TRIM67: variants seen among roughly 807,000 people sequenced by gnomAD.
The protein encoded by TRIM67 is tripartite motif containing 67.
Under a neutral mutation model 71.0 loss-of-function variants are expected in TRIM67, and 39 were observed. That is an observed-to-expected ratio of 0.55 (90% CI 0.43 to 0.72). The LOEUF (loss-of-function observed/expected upper bound fraction) is 0.72. Ranked by LOEUF, TRIM67 falls within the 30% of genes least tolerant of loss-of-function variation. TRIM67 has a pLI of 0.00. For synonymous variants in TRIM67, 481 were observed against 473.9 expected (o/e 1.01, Z -0.19); for missense variants, 973 against 1,079.2 (o/e 0.90, Z 1.38).
chr1:231,200,088 G>A (rs995622945), intron 3 of TRIM67, 60 bp from the exon 4 acceptor site: 13 of 1,310,426 alleles, frequency 9.9e-6, no homozygotes, highest in Middle Eastern at 1.8e-4. Flanking sequence ...TGACTCTTGC[G>A]GTGGCCTGCC....
Position 231,219,965 on chromosome 1 carries a change from AGTG to A in TRIM67, c.*4526_*4528del. ...TTCCCTCTTTTAACCTGGCTTTAAT[AGTG>A]ATTCATGGTATGAGTGGGGGCCAAT... On this transcript the variant is annotated 3_prime_UTR_variant, in exon 10 of 10. Coordinates refer to ENST00000366653, the MANE Select transcript of TRIM67 (RefSeq NM_001004342.5). The A allele has an allele frequency of 3.1e-6, 4 of 1,289,698 alleles. No homozygotes were observed. The highest frequency in any genetic ancestry group is 4.0e-6 in the Non-Finnish European group (4 of 988,760). 79.9% of individuals were successfully genotyped at this position (1,289,698 alleles called of 1,614,324 possible). A position where few individuals can be genotyped will look rare whatever the true frequency, so the allele number is the denominator to read the frequency against.
At chr1:231,187,473 T>C (rs575295646) in intron 1 of TRIM67, 6 of 1,447,546 alleles carry the variant, frequency 4.1e-6, no homozygotes, top group African/African-American at 2.9e-5. Context: ...TTTTAACTTA[T>C]TAGGCATTAT....
At chr1:231,168,149 GA>G (rs1571867526) in intron 1 of TRIM67, among the ~76,000 whole-genome samples, 1 of 151,662 alleles carries the variant, frequency 6.6e-6, no homozygotes, top group East Asian at 2.0e-4. Flanking sequence ...ATTTTTTGTA[GA>G]AATGAGGTCT....
At chr1:231,197,628 C>T (rs780161752) in intron 2 of TRIM67, among the ~76,000 whole-genome samples, 162 bp downstream of exon 2, 11 of 152,162 alleles carry the variant, frequency 7.2e-5, no homozygotes, top group Admixed American at 4.6e-4. Context: ...GAGTTTGAGA[C>T]CAGCCTTACC....
At chr1:231,202,847 C>G (rs1490685044) in intron 5 of TRIM67, among the ~76,000 whole-genome samples, 2 of 152,092 alleles carry the variant, frequency 1.3e-5, no homozygotes, top group South Asian at 2.1e-4. Flanking sequence ...AGAGAGAGGT[C>G]CCCTTGGAAA....
At position 231,217,746 on chromosome 1, in the gene TRIM67, G is replaced by C. The variant is rs1175961762; in HGVS notation, c.*2306G>C. ...ACCAGGTGGCCCCAGCTCTGCAGAA[G>C]AATCGCCCATCATTGGAGCACAAGT... On this transcript the variant is annotated 3_prime_UTR_variant, in exon 10 of 10. Coordinates refer to ENST00000366653, the MANE Select transcript of TRIM67 (RefSeq NM_001004342.5). 1.6e-6 allele frequency: 2 copies of C among 1,266,596 alleles called. No homozygotes were observed. Among genetic ancestry groups the C allele is most frequent in the Non-Finnish European group, 2.0e-6 (2 of 976,404 alleles). 78.5% of individuals were successfully genotyped at this position (1,266,596 alleles called of 1,614,324 possible).
chr1:231,209,371 G>A lies in TRIM67; in HGVS notation c.2123+121G>A. 8.5e-7 allele frequency: 1 copy of A among 1,170,332 alleles called. No homozygotes were observed. The allele number at this position is 1,170,332 out of a possible 1,614,324, so 72.5% of individuals were successfully genotyped here. On this transcript the variant is annotated intron_variant, in intron 8 of 9. Coordinates refer to ENST00000366653, the MANE Select transcript of TRIM67 (RefSeq NM_001004342.5). This position sits in a 1 kb window ranked among gnomAD's most constrained non-coding sequence, Gnocchi z 4.1. ...GAGGAATTGAGAGGAGGTATTTTCA[G>A]CCACTTTGGTCTCCATTTTCTAGGA...
intron 1 of TRIM67, chr1:231,187,750 G>A (rs1184242746): frequency 5.0e-6 from 3 of 599,340 alleles, no homozygotes; most frequent in African/African-American, 1.9e-5. Flanking sequence ...TAGCCAGAGG[G>A]ACAGCGGGCA....
chr1:231,172,405 T>C (rs1311694199), intron 1 of TRIM67, among the ~76,000 whole-genome samples: 1 of 152,088 alleles, frequency 6.6e-6, no homozygotes, highest in Non-Finnish European at 1.5e-5. Flanking sequence ...AGGCAAGAGT[T>C]TGGGGGCCAG....
chr1:231,186,344 C>T (rs1278691931), intron 1 of TRIM67, among the ~76,000 whole-genome samples: 2 of 152,154 alleles, frequency 1.3e-5, no homozygotes, highest in Non-Finnish European at 1.5e-5. Context: ...ATCCGTGGAC[C>T]TCCTTTTAGT....
At position 231,200,131 on chromosome 1, in the gene TRIM67, G is replaced by A. The variant is rs762507959; in HGVS notation, c.1264-17G>A. The A allele has an allele frequency of 2.5e-5, 40 of 1,587,774 alleles. No homozygotes were observed. The highest frequency in any genetic ancestry group is 3.4e-5 in the Non-Finnish European group (39 of 1,156,180). The stretch of plus-strand genomic sequence containing the variant: ...CCTCTCATGAGACAGTTACTTAGAG[G>A]AGTCTTTCCATTGCAGATGGTTTGG... On this transcript the variant is annotated splice_polypyrimidine_tract_variant and intron_variant, in intron 3 of 9. Coordinates refer to ENST00000366653, the MANE Select transcript of TRIM67 (RefSeq NM_001004342.5).
intron 1 of TRIM67, among the ~76,000 whole-genome samples, chr1:231,195,751 A>G (rs1191380145): frequency 6.6e-6 from 1 of 152,206 alleles, no homozygotes; most frequent in East Asian, 1.9e-4. Flanking sequence ...GCACTTGCAC[A>G]GTCCAGGGGA....
At chr1:231,183,943 A>T (rs1186532746) in intron 1 of TRIM67, among the ~76,000 whole-genome samples, 1 of 152,140 alleles carries the variant, frequency 6.6e-6, no homozygotes, top group Non-Finnish European at 1.5e-5. Context: ...AGCAGCATAT[A>T]CAGGAATGCT....
rs769669995 is a variant in TRIM67 at position 231,209,149 on chromosome 1, C to T, written c.2022C>T (p.Ser674=). 18 of 1,613,700 alleles carry T rather than the reference C, an allele frequency of 1.1e-5. No individual in the cohort carries two copies. Among genetic ancestry groups the T allele is most frequent in the Non-Finnish European group, 1.4e-5 (17 of 1,179,744 alleles). Residue 674 remains serine, a synonymous_variant, in exon 8 of 10, where the codon AGC becomes AGT. Transcript: ENST00000366653. The surrounding 1 kb of genome is among the most constrained non-coding windows in gnomAD (Gnocchi z 4.1). ...CCGCCTTCGGGGTGGCCAGGGCCAG[C>T]GTGGTCAAGGACATGATGCTGGGCA... is the stretch of plus-strand genomic sequence containing the variant. ...PDPAFGVARA[S]VVKDMMLGKD... is the part of the protein sequence containing the mutation.
At chr1:231,190,714 G>T (rs1382006555) in intron 1 of TRIM67, among the ~76,000 whole-genome samples, 6 of 152,160 alleles carry the variant, frequency 3.9e-5, no homozygotes, top group Admixed American at 3.9e-4. Flanking sequence ...CTGTGGCCTG[G>T]ATCCTCAGGG....
intron 1 of TRIM67, among the ~76,000 whole-genome samples, chr1:231,180,147 A>G (rs908176290): frequency 1.4e-4 from 22 of 152,080 alleles, no homozygotes; most frequent in Non-Finnish European, 5.9e-5. Context: ...TGAATAATCT[A>G]TCTTAGAGTT....
chr1:231,174,234 C>T (rs1284814280), intron 1 of TRIM67, among the ~76,000 whole-genome samples: 1 of 149,164 alleles, frequency 6.7e-6, no homozygotes, highest in East Asian at 2.0e-4. Flanking sequence ...TCATAGTTCA[C>T]TGCAACCTTG....
At chr1:231,173,439 A>G (rs1197569910) in intron 1 of TRIM67, among the ~76,000 whole-genome samples, 3 of 152,198 alleles carry the variant, frequency 2.0e-5, no homozygotes, top group South Asian at 2.1e-4. Context: ...TTGAAAAACA[A>G]TCACTGAGGA....
In TRIM67 at chr1:231,162,841, TG is replaced by T; in HGVS notation, c.-126del. 1 of 1,222,098 alleles carries T rather than the reference TG, an allele frequency of 8.2e-7. No homozygotes were observed. Among genetic ancestry groups the T allele is most frequent in the Non-Finnish European group, 1.1e-6 (1 of 892,682 alleles). 75.7% of individuals were successfully genotyped at this position (1,222,098 alleles called of 1,614,324 possible). On this transcript the variant is annotated 5_prime_UTR_variant, in exon 1 of 10. Coordinates refer to ENST00000366653, the MANE Select transcript of TRIM67 (RefSeq NM_001004342.5). ...AGGGGCGTGCCCCTCGGCTGTGAAG[TG>T]GGCATGCCCGTGTGATGCCCCCGCC...
Sources: allele counts gnomAD v4.1 joint callset (sites outside exome capture counted in the v4.1 genomes callset), GRCh38; gene constraint gnomAD v4.1.1; non-coding constraint Gnocchi (gnomAD v3.1); transcripts MANE v1.5; gene names NCBI Gene and HGNC (gene_info 2026-07-23, HGNC 2026-07-21).